PARD3B: variants seen among roughly 807,000 people sequenced by gnomAD.
PARD3B encodes par-3 family cell polarity regulator beta.
A neutral mutation model predicts 130.2 loss-of-function variants in PARD3B; 103 were observed. That is an observed-to-expected ratio of 0.79 (90% confidence interval 0.67 to 0.93). The LOEUF (loss-of-function observed/expected upper bound fraction) is 0.93. PARD3B is among the 40% of genes least tolerant of loss of function. The pLI is 0.00. For missense variants in PARD3B, 1,609 were observed against 1,499.2 expected (o/e 1.07, Z -1.21); for synonymous variants, 583 against 553.2 (o/e 1.05, Z -0.76).
chr2:205,197,683 C>G (rs1008165279), intron 15 of PARD3B, among the ~76,000 whole-genome samples: 9 of 152,144 alleles, frequency 5.9e-5, no homozygotes, highest in Admixed American at 5.9e-4. Flanking sequence ...TGTAGTCATG[C>G]TAATTCAAAG....
intron 1 of PARD3B, among the ~76,000 whole-genome samples, chr2:204,586,518 G>T (rs6743282): frequency 0.035 from 5,282 of 152,250 alleles, 248 homozygotes; most frequent in East Asian, 0.13. Flanking sequence ...GTTAGAACTG[G>T]TTTCTAATTT....
At chr2:204,713,124 G>A (rs10196548) in intron 2 of PARD3B, among the ~76,000 whole-genome samples, 46,375 of 151,886 alleles carry the variant, frequency 0.31, 9,657 homozygotes, top group African/African-American at 0.6. Context: ...GGCTGTATAT[G>A]ATTTTTTCTG....
At chr2:205,304,062 C>A (rs915662901) in intron 18 of PARD3B, among the ~76,000 whole-genome samples, 1 of 152,184 alleles carries the variant, frequency 6.6e-6, no homozygotes, top group African/African-American at 2.4e-5. Context: ...CAATTGTTCT[C>A]ATTTTGTGAT....
At position 205,615,863 on chromosome 2, in the gene PARD3B, AC is replaced by A. The variant is rs1195502128; in HGVS notation, c.*52del. ...GTCCAGAAAGGAAGGTGTCTACTCTACCTTTGCCCTTTCTAAACCTGAAGAC... is the reference window on the plus strand; with the variant it reads ...GTCCAGAAAGGAAGGTGTCTACTCTACTTTGCCCTTTCTAAACCTGAAGAC... On this transcript the variant is annotated 3_prime_UTR_variant, in exon 23 of 23. Transcript: ENST00000406610. 1 of 1,466,790 alleles carries A rather than the reference AC, an allele frequency of 6.8e-7. No homozygotes were observed. The highest frequency in any genetic ancestry group is 9.3e-7 in the Non-Finnish European group (1 of 1,077,132). 90.9% of individuals were successfully genotyped at this position (1,466,790 alleles called of 1,614,324 possible).
At chr2:205,092,126 T>A (rs2125542033) in intron 4 of PARD3B, among the ~76,000 whole-genome samples, 1 of 152,138 alleles carries the variant, frequency 6.6e-6, no homozygotes, top group South Asian at 2.1e-4. Context: ...CCTGTGGACA[T>A]GGATGTCACC....
At chr2:205,467,964 C>A (rs577117542) in intron 20 of PARD3B, among the ~76,000 whole-genome samples, 2 of 152,340 alleles carry the variant, frequency 1.3e-5, no homozygotes, top group South Asian at 4.1e-4. Flanking sequence ...TCAGCCCTAG[C>A]TTTTCAATAT....
chr2:205,187,550 G>A lies in PARD3B; in HGVS notation c.2024+1687G>A, dbSNP rs898592819. On this transcript the variant is annotated intron_variant, in intron 14 of 22. Transcript: ENST00000406610. The surrounding 1 kb of genome is among the most constrained non-coding windows in gnomAD (Gnocchi z 4.9). ...AGGTACTGAGCATCTGTGCAGGGGA[G>A]GCTAGAGAGAAGCACTCAGATGAGA... is the stretch of plus-strand genomic sequence containing the variant. Among the ~76,000 whole-genome samples, 3 of 152,278 alleles carry A rather than the reference G, an allele frequency of 2.0e-5. No individual in the cohort carries two copies. The highest frequency in any genetic ancestry group is 7.2e-5 in the African/African-American group (3 of 41,564).
intron 20 of PARD3B, among the ~76,000 whole-genome samples, chr2:205,471,295 C>T (rs1405705002): frequency 2.1e-5 from 3 of 145,936 alleles, no homozygotes; most frequent in African/African-American, 7.7e-5. Flanking sequence ...GATGTCTTTT[C>T]TTAAGTTAAA....
rs776847681 is a variant in PARD3B, at chr2:205,461,793, A to G, written c.3044+21121A>G. Among the ~76,000 whole-genome samples, 10 of 152,068 alleles carry G rather than the reference A, an allele frequency of 6.6e-5. No individual in the cohort carries two copies. The highest frequency in any genetic ancestry group is 9.7e-5 in the African/African-American group (4 of 41,414). On this transcript the variant is annotated intron_variant, in intron 20 of 22. Coordinates refer to ENST00000406610, the MANE Select transcript of PARD3B (RefSeq NM_001302769.2). The surrounding 1 kb of genome is among the most constrained non-coding windows in gnomAD (Gnocchi z 4.3). Reference sequence around the variant, plus strand: ...TGCATTTCTAACAAGCTGCCGAATGATACTCATGCTGCTGGCCTGGGTTCT... The same window carrying G: ...TGCATTTCTAACAAGCTGCCGAATGGTACTCATGCTGCTGGCCTGGGTTCT...
chr2:205,348,318 A>G (rs1039818414), intron 18 of PARD3B: 3 of 152,248 alleles, frequency 2.0e-5, no homozygotes, highest in African/African-American at 7.2e-5. Context: ...ATTAGAGATG[A>G]TCTTGACATT....
chr2:204,924,408 G>A (rs1487853498), intron 2 of PARD3B, among the ~76,000 whole-genome samples: 1 of 151,922 alleles, frequency 6.6e-6, no homozygotes, highest in Non-Finnish European at 1.5e-5. Flanking sequence ...TTTCAAACTA[G>A]TATTAAAGGG....
At chr2:205,383,330 G>T (rs919701217) in intron 18 of PARD3B, among the ~76,000 whole-genome samples, 3 of 151,808 alleles carry the variant, frequency 2.0e-5, no homozygotes, top group African/African-American at 7.3e-5. Context: ...CTGACTATCT[G>T]CAATATAATT....
intron 16 of PARD3B, among the ~76,000 whole-genome samples, chr2:205,264,790 T>C (rs907583202): frequency 3.3e-5 from 5 of 151,182 alleles, no homozygotes; most frequent in African/African-American, 7.3e-5. Flanking sequence ...AATACAAATA[T>C]AGGGTTTTCT....
chr2:204,550,412 C>CTG (rs3051346), intron 1 of PARD3B, among the ~76,000 whole-genome samples: 19,984 of 144,122 alleles, frequency 0.14, 1,900 homozygotes, highest in African/African-American at 0.27. Context: ...GGAGGGCTGA[C>CTG]TGTGTGTGTG....
rs1264640100 is a variant in PARD3B, at chr2:205,407,507, A to G, written c.2741+6384A>G. 6.6e-6 allele frequency among the ~76,000 whole-genome samples: 1 copy of G among 152,218 alleles called. No individual in the cohort carries two copies. Among genetic ancestry groups the G allele is most frequent in the Non-Finnish European group, 1.5e-5 (1 of 68,040 alleles). On this transcript the variant is annotated intron_variant, in intron 19 of 22. Coordinates refer to ENST00000406610, the MANE Select transcript of PARD3B (RefSeq NM_001302769.2). The surrounding 1 kb of genome is among the most constrained non-coding windows in gnomAD (Gnocchi z 4.1). ...AAGCAAGAGATTGTCTTAATATGTCAGTAAGTATATATTGTTGTTATTCAA... is the reference window on the plus strand; with the variant it reads ...AAGCAAGAGATTGTCTTAATATGTCGGTAAGTATATATTGTTGTTATTCAA...
At chr2:204,991,116 T>C (rs922341436) in intron 3 of PARD3B, among the ~76,000 whole-genome samples, 1 of 152,082 alleles carries the variant, frequency 6.6e-6, no homozygotes, top group African/African-American at 2.4e-5. Flanking sequence ...AGGGTACATG[T>C]GCACATTGTG....
chr2:204,726,021 C>T (rs1035392584), intron 2 of PARD3B, among the ~76,000 whole-genome samples: 1 of 152,192 alleles, frequency 6.6e-6, no homozygotes, highest in Non-Finnish European at 1.5e-5. Context: ...CCTGTGCAAA[C>T]AGTGGCTATT....
chr2:205,338,085 G>T (rs1215433930), intron 18 of PARD3B, among the ~76,000 whole-genome samples: 1 of 143,868 alleles, frequency 7.0e-6, no homozygotes, highest in Non-Finnish European at 1.5e-5. Context: ...CTCAGGAGGC[G>T]AAGGTTGCAG....
chr2:205,523,108 T>TCTATCTG (rs1218853490), intron 21 of PARD3B, among the ~76,000 whole-genome samples: 1 of 151,612 alleles, frequency 6.6e-6, no homozygotes, highest in East Asian at 1.9e-4. Context: ...TTAACTCATT[T>TCTATCTG]CTATCTGTTA....
Sources: gnomAD v4.1 joint callset for allele counts (sites outside exome capture counted in the v4.1 genomes callset) on GRCh38, gnomAD v4.1.1 for gene constraint, Gnocchi (gnomAD v3.1) non-coding constraint, MANE v1.5 for transcripts, NCBI Gene and HGNC (gene_info 2026-07-23, HGNC 2026-07-21) for gene names.